Variants in PTPRE observed in about 807,000 individuals in gnomAD.
PTPRE encodes receptor-type tyrosine-protein phosphatase epsilon.
PTPRE carries 51 observed loss-of-function variants against 102.0 expected under a neutral mutation model. That is an observed-to-expected ratio of 0.50 (90% confidence interval 0.40 to 0.63). The LOEUF is 0.63. Among genes scored for constraint, PTPRE ranks in the 30% least tolerant of loss-of-function variants. PTPRE has a pLI of 0.00. For missense variants in PTPRE, 752 were observed against 915.1 expected, an observed-to-expected ratio of 0.82 and a Z score of 2.30; for synonymous variants, 345 against 348.2, an observed-to-expected ratio of 0.99 and a Z score of 0.10.
chr10:127,969,560 C>T (rs867662302), intron 1 of PTPRE, among the ~76,000 whole-genome samples: 52 of 151,890 alleles, frequency 3.4e-4, no homozygotes, highest in African/African-American at 9.2e-4. Context: ...CCCAGCTACT[C>T]GAGAGGCTGA....
intron 2 of PTPRE, among the ~76,000 whole-genome samples, chr10:128,014,833 G>A (rs948611738): frequency 3.9e-5 from 6 of 152,172 alleles, no homozygotes; most frequent in South Asian, 2.1e-4. Context: ...GTGGCTGGGC[G>A]TCCATTTGTG....
chr10:128,002,853 C>A (rs61873728), intron 2 of PTPRE, among the ~76,000 whole-genome samples: 38,220 of 151,384 alleles, frequency 0.25, 4,875 homozygotes, highest in South Asian at 0.3. Flanking sequence ...ACCACCATAC[C>A]GGACTAATTA....
intron 2 of PTPRE, among the ~76,000 whole-genome samples, chr10:127,992,599 A>G (rs72847317): frequency 0.08 from 12,241 of 152,218 alleles, 677 homozygotes; most frequent in South Asian, 0.13. Flanking sequence ...CGGGGCACTC[A>G]GGAAACACCC....
chr10:127,989,527 G>A (rs1852422594), intron 2 of PTPRE, among the ~76,000 whole-genome samples: 1 of 152,218 alleles, frequency 6.6e-6, no homozygotes, highest in South Asian at 2.1e-4. Context: ...CTGGATAAGT[G>A]AGTTGTAGGA....
intron 2 of PTPRE, among the ~76,000 whole-genome samples, chr10:128,038,409 A>C (rs867242923): frequency 1.3e-5 from 2 of 152,194 alleles, no homozygotes; most frequent in East Asian, 3.9e-4. Context: ...AACCAACCCA[A>C]ATGTCCAACA....
Position 127,907,785 on chromosome 10 carries a change from T to G in PTPRE, c.-31+476T>G, listed in dbSNP as rs10830193. On this transcript the variant is annotated intron_variant, in intron 1 of 20. Coordinates refer to ENST00000254667, the MANE Select transcript of PTPRE (RefSeq NM_006504.6). This position sits in a 1 kb window ranked among gnomAD's most constrained non-coding sequence, Gnocchi z 4.8. Reference sequence around the variant, plus strand: ...TGCCAACTCTGGGAGGGGCCGGCGCTCTGCCAGGATGCTGCCCCGCAGCCG... The same window carrying G: ...TGCCAACTCTGGGAGGGGCCGGCGCGCTGCCAGGATGCTGCCCCGCAGCCG... Among the ~76,000 whole-genome samples, 90,845 of 152,022 alleles carry G rather than the reference T, an allele frequency of 0.6. 27,929 individuals carry two copies. Among genetic ancestry groups the G allele is most frequent in the African/African-American group, 0.73 (30,480 of 41,504 alleles).
chr10:127,995,348 C>T (rs559159388), intron 2 of PTPRE, among the ~76,000 whole-genome samples: 1 of 152,330 alleles, frequency 6.6e-6, no homozygotes, highest in South Asian at 2.1e-4. Flanking sequence ...GCTCAAGTGT[C>T]AAGTGGCCCA....
rs567359629 is a variant in PTPRE, at chr10:127,908,456, T to C, written c.-31+1147T>C. ...TGTATGTGGGTGGGGAGGGGGGGTG[T>C]GGAGGGTCGTTTCCAAAACTGGGAT... On this transcript the variant is annotated intron_variant, in intron 1 of 20. Coordinates refer to ENST00000254667, the MANE Select transcript of PTPRE (RefSeq NM_006504.6). Among the ~76,000 whole-genome samples the C allele has an allele frequency of 1.0e-4, 15 of 150,342 alleles. No homozygotes were observed. The South Asian group carries it at 3.2e-3, about 32-fold the overall frequency.
At chr10:128,074,380 G>A (rs1457366263) in intron 17 of PTPRE, among the ~76,000 whole-genome samples, 1 of 152,214 alleles carries the variant, frequency 6.6e-6, no homozygotes, top group Non-Finnish European at 1.5e-5. Flanking sequence ...AAATAGTGCT[G>A]CTTTGCTTGG....
chr10:128,024,782 C>A (rs956348962), intron 2 of PTPRE, among the ~76,000 whole-genome samples: 1 of 152,124 alleles, frequency 6.6e-6, no homozygotes, highest in South Asian at 2.1e-4. Context: ...TTTAAAATTT[C>A]TTTTGCTTTT....
intron 19 of PTPRE, among the ~76,000 whole-genome samples, chr10:128,079,309 A>G (rs1034558390): frequency 3.9e-5 from 6 of 152,128 alleles, no homozygotes; most frequent in African/African-American, 1.4e-4. Context: ...AAAACTTGTC[A>G]CTGGTCCTGT....
chr10:127,970,347 C>T (rs760376015), intron 1 of PTPRE, among the ~76,000 whole-genome samples: 19 of 152,116 alleles, frequency 1.2e-4, no homozygotes, highest in African/African-American at 2.9e-4. Flanking sequence ...CACAGCTTTG[C>T]GGATGAAAGG....
At chr10:127,988,069 G>A (rs909810449) in intron 2 of PTPRE, among the ~76,000 whole-genome samples, 2 of 152,234 alleles carry the variant, frequency 1.3e-5, no homozygotes, top group Admixed American at 1.3e-4. Flanking sequence ...GACAAGAAAT[G>A]TATAAATGCT....
At chr10:127,922,540 A>G (rs1200089331) in intron 1 of PTPRE, among the ~76,000 whole-genome samples, 1 of 152,212 alleles carries the variant, frequency 6.6e-6, no homozygotes, top group East Asian at 1.9e-4. Flanking sequence ...GGCCGGGGCC[A>G]TGTGTATTCA....
At chr10:128,032,247 C>T (rs1204173393) in intron 2 of PTPRE, among the ~76,000 whole-genome samples, 1 of 152,120 alleles carries the variant, frequency 6.6e-6, no homozygotes, top group Non-Finnish European at 1.5e-5. Context: ...AACTCTTGAC[C>T]TCAGGTGATC....
chr10:127,924,424 C>T (rs1401323196), intron 1 of PTPRE, among the ~76,000 whole-genome samples: 5 of 152,162 alleles, frequency 3.3e-5, no homozygotes, highest in Non-Finnish European at 7.3e-5. Flanking sequence ...CAGGGTTTTG[C>T]CATGTTGGCC....
At chr10:128,009,550 A>T (rs1049094426) in intron 2 of PTPRE, among the ~76,000 whole-genome samples, 1 of 152,094 alleles carries the variant, frequency 6.6e-6, no homozygotes, top group Non-Finnish European at 1.5e-5. Context: ...GCTTCCCCCG[A>T]GGTGCAGCGA....
chr10:128,060,299 C>A (rs974474754), intron 7 of PTPRE, among the ~76,000 whole-genome samples: 4 of 152,104 alleles, frequency 2.6e-5, no homozygotes, highest in Non-Finnish European at 5.9e-5. Flanking sequence ...ACACACCCCA[C>A]ACACAGAGCA....
rs1845175071 is a variant in PTPRE, at chr10:128,013,477, C to G, written c.-7-27398C>G. Among the ~76,000 whole-genome samples, 3 of 152,244 alleles carry G rather than the reference C, an allele frequency of 2.0e-5. No homozygotes were observed. The South Asian group carries it at 6.2e-4, about 32-fold the overall frequency. On this transcript the variant is annotated intron_variant, in intron 2 of 20. Transcript: ENST00000254667. ...TGGACAGCAGCTTTAAGGGGCAGCA[C>G]CTGCTGAGAAAAGCAATCCTTTAAA... is the stretch of plus-strand genomic sequence containing the variant.
Sources: allele counts gnomAD v4.1 joint callset (sites outside exome capture counted in the v4.1 genomes callset), GRCh38; gene constraint gnomAD v4.1.1; non-coding constraint Gnocchi (gnomAD v3.1); transcripts MANE v1.5; gene names NCBI Gene and HGNC (gene_info 2026-07-23, HGNC 2026-07-21).